Variants in DLGAP2 observed in about 807,000 individuals in gnomAD.
DLGAP2 encodes disks large-associated protein 2.
In DLGAP2, 26 loss-of-function variants were observed where a neutral mutation model predicts 100.3. The observed-to-expected ratio is 0.26, with a 90% CI of 0.19 to 0.36. The LOEUF (loss-of-function observed/expected upper bound fraction) is 0.36. Among genes scored for constraint, DLGAP2 ranks in the 10% least tolerant of loss-of-function variants. DLGAP2 has a pLI of 1.00. For synonymous variants in DLGAP2, 886 were observed against 630.1 expected, an observed-to-expected ratio of 1.41 and a Z score of -6.08; for missense variants, 1,858 against 1,453.2, an observed-to-expected ratio of 1.28 and a Z score of -4.53.
chr8:1,337,197 TGGTG>T, intron 3 of DLGAP2, among the ~76,000 whole-genome samples: 2 of 67,926 alleles, frequency 2.9e-5, no homozygotes, highest in African/African-American at 2.5e-4. Context: ...GTGAGAATGA[TGGTG>T]ATGATGGTGA....
Position 1,183,053 on chromosome 8 carries a change from G to A in DLGAP2, c.74-75798G>A, listed in dbSNP as rs770790576. On this transcript the variant is annotated intron_variant, in intron 2 of 14. Coordinates refer to ENST00000637795, the MANE Select transcript of DLGAP2 (RefSeq NM_001346810.2). ...ACGTGAGATTTACTCACCCAGCAGC[G>A]GGACCTACTGGAGTGCTTTCGGTAA... Among the ~76,000 whole-genome samples the A allele has an allele frequency of 3.9e-5, 6 of 152,296 alleles. No homozygotes were observed. The East Asian group carries it at 5.8e-4, about 15-fold the overall frequency.
rs1471914318 is a variant in DLGAP2, at chr8:775,451, G to C, written c.18+37626G>C. 6.5e-4 allele frequency among the ~76,000 whole-genome samples: 92 copies of C among 141,738 alleles called. 1 individual carries two copies. The South Asian group carries it at 0.02, about 30-fold the overall frequency. 93.0% of individuals were successfully genotyped at this position (141,738 alleles called of 152,430 possible). On this transcript the variant is annotated intron_variant, in intron 1 of 14. Coordinates refer to ENST00000637795, the MANE Select transcript of DLGAP2 (RefSeq NM_001346810.2). ...CCAGTTTTCAAAGGGAATGCTTCCA[G>C]TTTTTGCCCATTCAGTATGATATTG...
chr8:950,299 A>G (rs1799445968), intron 2 of DLGAP2, among the ~76,000 whole-genome samples: 1 of 152,228 alleles, frequency 6.6e-6, no homozygotes, highest in Non-Finnish European at 1.5e-5. Context: ...TGATTGTGAT[A>G]CAATTTGACA....
chr8:1,076,645 T>C (rs1264645067), intron 2 of DLGAP2, among the ~76,000 whole-genome samples: 2 of 152,154 alleles, frequency 1.3e-5, no homozygotes, highest in Admixed American at 1.3e-4. Context: ...TTCCCAGCAG[T>C]TGGCAGAGTT....
At chr8:1,385,686 G>A (rs1796202418) in intron 3 of DLGAP2, among the ~76,000 whole-genome samples, 1 of 111,696 alleles carries the variant, frequency 9.0e-6, no homozygotes, top group Non-Finnish European at 1.9e-5. Flanking sequence ...CGTCCCCTGA[G>A]AACTTGGTGC....
intron 3 of DLGAP2, among the ~76,000 whole-genome samples, chr8:1,309,038 A>G (rs1335055013): frequency 2.0e-5 from 3 of 152,204 alleles, no homozygotes; most frequent in Admixed American, 2.0e-4. Flanking sequence ...TATGGTACAG[A>G]TGACATTGTG....
In DLGAP2 at chr8:1,424,583, G is replaced by A. The variant is rs184383358; in HGVS notation, c.107-76783G>A. ...TAAGCCATCACAAAAGGACAAGGAC[G>A]GTGTGATTACCCTAACATGTGGCAC... On this transcript the variant is annotated intron_variant, in intron 3 of 14. Transcript: ENST00000637795. 7.2e-5 allele frequency among the ~76,000 whole-genome samples: 11 copies of A among 152,282 alleles called. No homozygotes were observed. The East Asian group carries it at 1.7e-3, about 24-fold the overall frequency.
intron 4 of DLGAP2, among the ~76,000 whole-genome samples, chr8:1,532,316 G>T (rs1369207176): frequency 6.6e-6 from 1 of 152,066 alleles, no homozygotes; most frequent in East Asian, 1.9e-4. Flanking sequence ...TCTCTCTCTT[G>T]CTTCATATCT....
intron 3 of DLGAP2, among the ~76,000 whole-genome samples, chr8:1,260,437 A>G (rs1799322664): frequency 6.6e-6 from 1 of 152,196 alleles, no homozygotes; most frequent in Admixed American, 6.5e-5. Flanking sequence ...TCTGCCAAGG[A>G]CAGTGGCCCA....
chr8:1,478,802 A>G (rs1405933743), intron 3 of DLGAP2, among the ~76,000 whole-genome samples: 2 of 152,204 alleles, frequency 1.3e-5, no homozygotes, highest in Non-Finnish European at 2.9e-5. Flanking sequence ...AGGCTTGTGA[A>G]TGGAGGGTCA....
chr8:1,415,478 A>G (rs1796857084), intron 3 of DLGAP2, among the ~76,000 whole-genome samples: 1 of 151,922 alleles, frequency 6.6e-6, no homozygotes, highest in Non-Finnish European at 1.5e-5. Flanking sequence ...CTCCCCCTCT[A>G]GTAGCCCTGG....
intron 2 of DLGAP2, among the ~76,000 whole-genome samples, chr8:1,211,946 A>G (rs921917834): frequency 2.0e-5 from 3 of 152,244 alleles, no homozygotes; most frequent in Non-Finnish European, 4.4e-5. Context: ...CTCGTGCTCC[A>G]GGCCACCATT....
intron 3 of DLGAP2, among the ~76,000 whole-genome samples, chr8:1,329,494 A>T (rs1396846272): frequency 1.3e-5 from 2 of 152,168 alleles, no homozygotes; most frequent in Non-Finnish European, 2.9e-5. Flanking sequence ...TCTTCCCAAG[A>T]GTTTCATTTA....
chr8:1,213,105 C>T (rs566116783), intron 2 of DLGAP2, among the ~76,000 whole-genome samples: 1 of 152,120 alleles, frequency 6.6e-6, no homozygotes, highest in African/African-American at 2.4e-5. Flanking sequence ...TCTCAAAGAT[C>T]TCCAGGTTTT....
chr8:1,111,169 A>G (rs953231069), intron 2 of DLGAP2, among the ~76,000 whole-genome samples: 4 of 152,206 alleles, frequency 2.6e-5, no homozygotes, highest in African/African-American at 9.6e-5. Context: ...TGGCCAAGCT[A>G]CAGAAAATAA....
At chr8:1,536,341 G>A (rs953853540) in intron 4 of DLGAP2, among the ~76,000 whole-genome samples, 24 of 152,054 alleles carry the variant, frequency 1.6e-4, no homozygotes, top group African/African-American at 5.8e-4. Flanking sequence ...GCACCATGCC[G>A]ACGACCATGA....
chr8:1,155,417 G>C (rs933367150), intron 2 of DLGAP2, among the ~76,000 whole-genome samples: 5 of 152,202 alleles, frequency 3.3e-5, no homozygotes, highest in African/African-American at 1.2e-4. Context: ...TGCTAGCTGG[G>C]ATCGCGGCGG....
At chr8:1,679,459 T>A (rs1798891836) in intron 12 of DLGAP2, among the ~76,000 whole-genome samples, 1 of 146,200 alleles carries the variant, frequency 6.8e-6, no homozygotes, top group African/African-American at 2.6e-5. Flanking sequence ...CCACCAAAGG[T>A]CTCACTCCTG....
intron 2 of DLGAP2, among the ~76,000 whole-genome samples, chr8:912,251 T>C (rs1015451098): frequency 1.3e-5 from 2 of 152,246 alleles, no homozygotes; most frequent in African/African-American, 4.8e-5. Flanking sequence ...GTTTTTGAGA[T>C]ACATTATGTT....
Sources: gnomAD v4.1 joint callset for allele counts (sites outside exome capture counted in the v4.1 genomes callset) on GRCh38, gnomAD v4.1.1 for gene constraint, MANE v1.5 for transcripts, NCBI Gene and HGNC (gene_info 2026-07-23, HGNC 2026-07-21) for gene names.